Variants in SLC2A9 observed in about 807,000 individuals in gnomAD.
The protein encoded by SLC2A9 is solute carrier family 2 member 9, also known as solute carrier family 2, facilitated glucose transporter member 9.
In SLC2A9, 39 loss-of-function variants were observed where a neutral mutation model predicts 50.6. The ratio of observed to expected loss-of-function variants is 0.77; its 90% CI spans 0.60 to 1.01. The LOEUF is 1.01. Ranked by LOEUF, SLC2A9 falls within the 50% of genes least tolerant of loss-of-function variation. SLC2A9 has a pLI of 0.00. For missense variants in SLC2A9, 686 were observed against 677.6 expected (o/e 1.01, Z -0.14); for synonymous variants, 324 against 276.9 (o/e 1.17, Z -1.69).
At chr4:9,880,343 A>T in intron 10 of SLC2A9, 2 of 985,586 alleles carry the variant, frequency 2.0e-6, no homozygotes, top group Non-Finnish European at 1.2e-6. Flanking sequence ...TGGATTGAGG[A>T]AGCGGAGGGC....
upstream of SLC2A9, among the ~76,000 whole-genome samples, chr4:10,025,293 C>T (rs1055870799): frequency 7.2e-5 from 11 of 152,184 alleles, no homozygotes; most frequent in African/African-American, 2.7e-4. Context: ...GGCTTCATCC[C>T]TTTCTGAGCC....
chr4:9,778,045 TTTCTTTCTTTCCTTCCTTCC>T (rs1280960582), downstream of SLC2A9, among the ~76,000 whole-genome samples: 8 of 21,920 alleles, frequency 3.6e-4, no homozygotes, highest in Admixed American at 7.2e-4. Flanking sequence ...ATTTTCTTTC[TTTCTTTCTTTCCTTCCTTCC>T]TTCCTTCCTT....
chr4:9,906,901 G>T (rs1740783087), intron 8 of SLC2A9, among the ~76,000 whole-genome samples: 3 of 152,292 alleles, frequency 2.0e-5, no homozygotes, highest in Non-Finnish European at 4.4e-5. Context: ...CTAATAAAAA[G>T]ACCACAAAGT....
intron 8 of SLC2A9, among the ~76,000 whole-genome samples, chr4:9,900,742 C>T (rs538019076): frequency 6.4e-4 from 97 of 152,288 alleles, no homozygotes; most frequent in African/African-American, 2.0e-3. Flanking sequence ...AACTTACAAT[C>T]ATGGTGGAAG....
chr4:9,943,581 G>A (rs771172205), intron 5 of SLC2A9, among the ~76,000 whole-genome samples: 3 of 152,164 alleles, frequency 2.0e-5, no homozygotes, highest in Non-Finnish European at 2.9e-5. Flanking sequence ...AGGGAAGGCC[G>A]ATGGTGGCCC....
At chr4:9,982,671 C>A (rs1756075960) in intron 4 of SLC2A9, among the ~76,000 whole-genome samples, 1 of 152,198 alleles carries the variant, frequency 6.6e-6, no homozygotes, top group African/African-American at 2.4e-5. Context: ...CCCAGAAGAT[C>A]CACTGCAACC....
At chr4:9,816,163 C>A (rs112432698) in intron 3 of SLC2A9, among the ~76,000 whole-genome samples, 1,466 of 143,802 alleles carry the variant, frequency 0.01, 28 homozygotes, top group African/African-American at 0.036. Context: ...GAGCAAGACC[C>A]TGTCTCAAAA....
chr4:9,939,685 G>C (rs1017916878), intron 6 of SLC2A9, among the ~76,000 whole-genome samples: 1 of 152,034 alleles, frequency 6.6e-6, no homozygotes, highest in African/African-American at 2.4e-5. Context: ...TATGTGAAGT[G>C]CTTAGAATGA....
intron 10 of SLC2A9, among the ~76,000 whole-genome samples, chr4:9,844,550 A>C (rs774468583): frequency 6.6e-6 from 1 of 152,192 alleles, no homozygotes; most frequent in Non-Finnish European, 1.5e-5. Context: ...TTCAAGTGAA[A>C]AGGAATTGAA....
At chr4:9,980,265 T>C (rs13131257) in intron 5 of SLC2A9, among the ~76,000 whole-genome samples, 107,820 of 152,106 alleles carry the variant, frequency 0.71, 39,578 homozygotes, top group East Asian at 0.98. Context: ...TATGGCATAA[T>C]TCCATCAAAG....
chr4:9,911,138 T>G (rs958846763), intron 7 of SLC2A9, among the ~76,000 whole-genome samples: 1 of 151,802 alleles, frequency 6.6e-6, no homozygotes, highest in African/African-American at 2.4e-5. Context: ...TCCCAGAACT[T>G]AAAGTATAAT....
chr4:9,876,210 T>C (rs1734294330), intron 10 of SLC2A9, among the ~76,000 whole-genome samples: 1 of 152,140 alleles, frequency 6.6e-6, no homozygotes, highest in Non-Finnish European at 1.5e-5. Context: ...CCTGAGGTGG[T>C]TGAAGCTTCC....
chr4:9,826,013 C>G (rs1434660888), downstream of SLC2A9, among the ~76,000 whole-genome samples: 1 of 152,132 alleles, frequency 6.6e-6, no homozygotes, highest in Non-Finnish European at 1.5e-5. Context: ...CCGTTGAGTC[C>G]CCTATCAGAC....
intron 10 of SLC2A9, among the ~76,000 whole-genome samples, chr4:9,850,276 G>A (rs1729664203): frequency 6.6e-6 from 1 of 152,148 alleles, no homozygotes; most frequent in Admixed American, 6.5e-5. Context: ...GAGACGACAG[G>A]GAGAACTGCT....
chr4:9,831,023 A>G (rs567603158), intron 11 of SLC2A9, among the ~76,000 whole-genome samples: 168 of 152,362 alleles, frequency 1.1e-3, no homozygotes, highest in African/African-American at 3.9e-3. Context: ...CATGGGCTTC[A>G]ATACAGGCGT....
chr4:9,795,202 A>G (rs1211684322), downstream of SLC2A9, among the ~76,000 whole-genome samples: 1 of 151,740 alleles, frequency 6.6e-6, no homozygotes, highest in Non-Finnish European at 1.5e-5. Context: ...TAGTATAGAC[A>G]GGGTTTCACC....
chr4:9,787,255 C>T lies in SLC2A9; in HGVS notation n.386-7190G>A, dbSNP rs145665539. On this transcript the variant is annotated intron_variant and non_coding_transcript_variant, in intron 3 of 3. Coordinates refer to the SLC2A9 transcript ENST00000503803. Reference sequence around the variant, plus strand: ...TTCATTGGTTAGAAGTGAGTCATTACGTCCAAATCATATTCAAGGGGAGGT... The same window carrying T: ...TTCATTGGTTAGAAGTGAGTCATTATGTCCAAATCATATTCAAGGGGAGGT... Among the ~76,000 whole-genome samples, 48 of 152,322 alleles carry T rather than the reference C, an allele frequency of 3.2e-4. 1 individual carries two copies. The East Asian group carries it at 7.5e-3, about 24-fold the overall frequency.
intron 2 of SLC2A9, among the ~76,000 whole-genome samples, chr4:10,018,662 G>A (rs1337701348): frequency 1.3e-5 from 2 of 152,136 alleles, no homozygotes; most frequent in Non-Finnish European, 2.9e-5. Context: ...TTCTTTCCCC[G>A]GCATTAGGGG....
At chr4:9,880,616 G>A in intron 10 of SLC2A9, 3 of 964,610 alleles carry the variant, frequency 3.1e-6, no homozygotes, top group Non-Finnish European at 3.7e-6. Flanking sequence ...ATATGCAGAT[G>A]AGTCCAATCT....
Sources: allele counts gnomAD v4.1 joint callset (sites outside exome capture counted in the v4.1 genomes callset), GRCh38; gene constraint gnomAD v4.1.1; transcripts MANE v1.5; gene names NCBI Gene and HGNC (gene_info 2026-07-23, HGNC 2026-07-21).